Variants in KIF26A observed in about 807,000 individuals in gnomAD.
KIF26A encodes the protein kinesin family member 26A, also known as kinesin-like protein KIF26A.
In KIF26A, 74 loss-of-function variants were observed where a neutral mutation model predicts 126.0. That is an observed-to-expected ratio of 0.59 (90% CI 0.49 to 0.71). The LOEUF (loss-of-function observed/expected upper bound fraction) is 0.71. KIF26A is among the 30% of genes least tolerant of loss of function. The probability of loss-of-function intolerance (pLI) is 0.00; values close to 1 mark genes in which losing one functional copy is unlikely to be tolerated. For missense variants in KIF26A, 2,984 were observed against 2,763.3 expected, an observed-to-expected ratio of 1.08 and a Z score of -1.79; for synonymous variants, 1,445 against 1,232.7, an observed-to-expected ratio of 1.17 and a Z score of -3.61.
At position 104,180,692 on chromosome 14, in the gene KIF26A, G is replaced by A. The variant is rs548939844; in HGVS notation, c.*902G>A. 2 of 154,242 alleles carry A rather than the reference G, an allele frequency of 1.3e-5. No homozygotes were observed. The highest frequency in any genetic ancestry group is 2.9e-5 in the Non-Finnish European group (2 of 68,180). 9.6% of individuals were successfully genotyped at this position (154,242 alleles called of 1,614,324 possible). A position where few individuals can be genotyped will look rare whatever the true frequency, so the allele number is the denominator to read the frequency against. On this transcript the variant is annotated 3_prime_UTR_variant, in exon 15 of 15. Transcript: ENST00000423312. ...GCCTGCTCCCTCTGGGGGGCACCCT[G>A]GGCAGGGTGGGGGGGCCTTGGGAGG... is the stretch of plus-strand genomic sequence containing the variant.
At position 104,172,571 on chromosome 14, in the gene KIF26A, C is replaced by T. The variant is rs530853301; in HGVS notation, c.1327-4C>T. ...AGCCCTGCCTGATTCTCTTGCCCCC[C>T]TAGGCCGAAGTCTGCTCGGGGACCG... On this transcript the variant is annotated splice_polypyrimidine_tract_variant and splice_region_variant and intron_variant, in intron 6 of 14. Coordinates refer to ENST00000423312, the MANE Select transcript of KIF26A (RefSeq NM_015656.2). The T allele has an allele frequency of 6.2e-7, 1 of 1,611,160 alleles. No homozygotes were observed. Among genetic ancestry groups the T allele is most frequent in the African/African-American group, 1.3e-5 (1 of 75,032 alleles).
chr14:104,155,916 C>CCCCT (rs1437527036), intron 3 of KIF26A, among the ~76,000 whole-genome samples: 1 of 152,218 alleles, frequency 6.6e-6, no homozygotes, highest in Non-Finnish European at 1.5e-5. Flanking sequence ...CCTGCTGCAG[C>CCCCT]CCCTCCAGCC....
chr14:104,166,002 T>A (rs1165792935), intron 4 of KIF26A, among the ~76,000 whole-genome samples: 1 of 152,130 alleles, frequency 6.6e-6, no homozygotes, highest in Non-Finnish European at 1.5e-5. Flanking sequence ...TTTGGGAGAC[T>A]CTGCACCTTC....
chr14:104,138,822 A>G, intron 1 of KIF26A, 58 bp downstream of exon 1: 2 of 1,251,966 alleles, frequency 1.6e-6, no homozygotes, highest in Non-Finnish European at 2.0e-6. Flanking sequence ...GACGGCGAAG[A>G]TACTCGCGGT....
chr14:104,159,534 G>C (rs1425318211), intron 4 of KIF26A, among the ~76,000 whole-genome samples: 1 of 152,250 alleles, frequency 6.6e-6, no homozygotes, highest in African/African-American at 2.4e-5. Flanking sequence ...CAGCAGAGCG[G>C]CCCTGGCTGC....
chr14:104,169,171 G>C (rs78650924), intron 5 of KIF26A, among the ~76,000 whole-genome samples: 6,365 of 152,296 alleles, frequency 0.042, 380 homozygotes, highest in African/African-American at 0.13. Context: ...GGGCTGCAGA[G>C]CTGTGCCGAG....
intron 2 of KIF26A, among the ~76,000 whole-genome samples, chr14:104,145,620 G>A (rs1596132128): frequency 0.075 from 3 of 40 alleles, no homozygotes; most frequent in Admixed American, 0.2. Flanking sequence ...TCTGGCGGAG[G>A]TGCCGCATGC....
At chr14:104,168,191 C>T (rs79921103) in intron 5 of KIF26A, among the ~76,000 whole-genome samples, 6,554 of 152,300 alleles carry the variant, frequency 0.043, 183 homozygotes, top group Non-Finnish European at 0.063. Flanking sequence ...TCGGGAGGTG[C>T]CAGGCTCGTG....
In KIF26A at chr14:104,176,028, T is replaced by C. The variant is rs375834167; in HGVS notation, c.3240T>C (p.Asn1080=). 5.5e-5 allele frequency: 87 copies of C among 1,593,862 alleles called. No individual in the cohort carries two copies. In the African/African-American group the frequency reaches 1.1e-3, roughly 21 times the overall value. The part of the protein sequence containing the change: ...SRPVSIISSI[N]DEFDAYTSQA... ...CAGTCAGCATCATCAGCAGCATCAA[T>C]GATGAGTTTGACGCCTACACCTCTC... The change falls in exon 12 of 15, where the codon AAT becomes AAC. Residue 1080 remains asparagine (N), a synonymous_variant. Transcript: ENST00000423312.
intron 4 of KIF26A, among the ~76,000 whole-genome samples, chr14:104,166,184 G>C (rs924889278): frequency 2.2e-5 from 3 of 136,916 alleles, no homozygotes; most frequent in African/African-American, 1.0e-4. Context: ...GGTGGCAGGG[G>C]CCCAGGAGCT....
Position 104,151,934 on chromosome 14 carries a change from C to T in KIF26A, c.289-81C>T, listed in dbSNP as rs770373259. 25 of 1,270,676 alleles carry T rather than the reference C, an allele frequency of 2.0e-5. No individual in the cohort carries two copies. Among genetic ancestry groups the T allele is most frequent in the Non-Finnish European group, 2.6e-5 (23 of 874,052 alleles). The allele number at this position is 1,270,676 out of a possible 1,614,324, so 78.7% of individuals were successfully genotyped here. On this transcript the variant is annotated intron_variant, in intron 2 of 14. Coordinates refer to ENST00000423312, the MANE Select transcript of KIF26A (RefSeq NM_015656.2). This position sits in a 1 kb window ranked among gnomAD's most constrained non-coding sequence, Gnocchi z 4.9. ...AGGCGGGAGCTCGCAGCGTCATGGA[C>T]GGTGAGAGTGCTGGTGGGCTCTGGG...
At chr14:104,163,530 G>T (rs1001246135) in intron 4 of KIF26A, among the ~76,000 whole-genome samples, 1 of 151,812 alleles carries the variant, frequency 6.6e-6, no homozygotes, top group African/African-American at 2.4e-5. Context: ...GTAAATGCTG[G>T]CGATGCTGGG....
In KIF26A at chr14:104,141,339, A is replaced by AT. The variant is rs969083800; in HGVS notation, c.288+2057dup. Among the ~76,000 whole-genome samples the AT allele has an allele frequency of 1.9e-4, 29 of 152,174 alleles. 1 individual carries two copies. Among genetic ancestry groups the AT allele is most frequent in the Admixed American group, 1.4e-3 (22 of 15,284 alleles). On this transcript the variant is annotated intron_variant, in intron 2 of 14. Coordinates refer to ENST00000423312, the MANE Select transcript of KIF26A (RefSeq NM_015656.2). ...GGATTTCCCCAGGGGCCCGTTTCGTATTTTTTAGGGGAGAGATGAGCTTCC... is the reference window on the plus strand; with the variant it reads ...GGATTTCCCCAGGGGCCCGTTTCGTATTTTTTTAGGGGAGAGATGAGCTTCC...
chr14:104,178,940 G>C (rs566542473), intron 13 of KIF26A, among the ~76,000 whole-genome samples, 185 bp downstream of exon 13: 10 of 152,280 alleles, frequency 6.6e-5, no homozygotes, highest in African/African-American at 2.2e-4. Context: ...GCCCAAGCCT[G>C]TTGCAGCTCC....
In KIF26A at chr14:104,179,849, C is replaced by A. The variant is rs558892525; in HGVS notation, c.*59C>A. 3 of 1,403,716 alleles carry A rather than the reference C, an allele frequency of 2.1e-6. No homozygotes were observed. The highest frequency in any genetic ancestry group is 2.8e-6 in the Non-Finnish European group (3 of 1,070,044). 87.0% of individuals were successfully genotyped at this position (1,403,716 alleles called of 1,614,324 possible). A position where few individuals can be genotyped will look rare whatever the true frequency, so the allele number is the denominator to read the frequency against. On this transcript the variant is annotated 3_prime_UTR_variant, in exon 15 of 15. Transcript: ENST00000423312. ...GCGGGCTGGAGGACGGGACGTGGGACGGAGCGAGGATGTGGTGGGGGCTGC... is the reference window on the plus strand; with the variant it reads ...GCGGGCTGGAGGACGGGACGTGGGAAGGAGCGAGGATGTGGTGGGGGCTGC...
chr14:104,178,538 T>A lies in KIF26A; in HGVS notation c.5111-12T>A. 1 of 1,446,024 alleles carries A rather than the reference T, an allele frequency of 6.9e-7. No individual in the cohort carries two copies. Among genetic ancestry groups the A allele is most frequent in the Non-Finnish European group, 9.1e-7 (1 of 1,097,216 alleles). 89.6% of individuals were successfully genotyped at this position (1,446,024 alleles called of 1,614,324 possible). ...CGCCTCTGTTCACCCTGTGCCCGGC[T>A]CTCCGTTCCAGGTCTGCAGCGGCGG... On this transcript the variant is annotated splice_polypyrimidine_tract_variant and intron_variant, in intron 12 of 14. Coordinates refer to ENST00000423312, the MANE Select transcript of KIF26A (RefSeq NM_015656.2).
In KIF26A at chr14:104,140,262, G is replaced by C. The variant is rs528441184; in HGVS notation, c.288+974G>C. Reference sequence around the variant, plus strand: ...TCTCTGGAGTCTCGGCGAGGGATAGGATTGCTGTAGCCTCTCTCTGGCTCA... The same window carrying C: ...TCTCTGGAGTCTCGGCGAGGGATAGCATTGCTGTAGCCTCTCTCTGGCTCA... On this transcript the variant is annotated intron_variant, in intron 2 of 14. Coordinates refer to ENST00000423312, the MANE Select transcript of KIF26A (RefSeq NM_015656.2). Among the ~76,000 whole-genome samples, 5 of 152,262 alleles carry C rather than the reference G, an allele frequency of 3.3e-5. No individual in the cohort carries two copies. The East Asian group carries it at 9.7e-4, about 29-fold the overall frequency.
rs1333269179 is a variant in KIF26A at position 104,152,626 on chromosome 14, C to T, written c.735+165C>T. Among the ~76,000 whole-genome samples, 4 of 152,216 alleles carry T rather than the reference C, an allele frequency of 2.6e-5. No individual in the cohort carries two copies. The highest frequency in any genetic ancestry group is 4.8e-5 in the African/African-American group (2 of 41,450). On this transcript the variant is annotated intron_variant, in intron 3 of 14. Transcript: ENST00000423312. The surrounding 1 kb of genome is among the most constrained non-coding windows in gnomAD (Gnocchi z 5.9). ...CACTCCTGAGGCCCCACATCAGATG[C>T]ACCCTTGATGGTGCACAGCAGCTGT...
At chr14:104,160,446 G>A (rs1308442311) in intron 4 of KIF26A, among the ~76,000 whole-genome samples, 1 of 152,134 alleles carries the variant, frequency 6.6e-6, no homozygotes, top group Non-Finnish European at 1.5e-5. Context: ...CCGGGTACCC[G>A]AGTTTCGTTA....
Sources: gnomAD v4.1 joint callset for allele counts (sites outside exome capture counted in the v4.1 genomes callset) on GRCh38, gnomAD v4.1.1 for gene constraint, Gnocchi (gnomAD v3.1) non-coding constraint, MANE v1.5 for transcripts, NCBI Gene and HGNC (gene_info 2026-07-23, HGNC 2026-07-21) for gene names.